ASRGL1: variants seen among roughly 807,000 people sequenced by gnomAD.
ASRGL1 encodes asparaginase and isoaspartyl peptidase 1, also known as isoaspartyl peptidase/L-asparaginase.
Under a neutral mutation model 22.4 loss-of-function variants are expected in ASRGL1, and 16 were observed. The ratio of observed to expected loss-of-function variants is 0.71; its 90% CI spans 0.48 to 1.08. The LOEUF is 1.08. ASRGL1 is among the 50% of genes least tolerant of loss of function. The pLI, the probability that ASRGL1 is intolerant of heterozygous loss-of-function variation, is 0.00. For synonymous variants in ASRGL1, 165 were observed against 159.3 expected, an observed-to-expected ratio of 1.04 and a Z score of -0.27; for missense variants, 412 against 410.1, an observed-to-expected ratio of 1.00 and a Z score of -0.04.
rs1945773904 is a variant in ASRGL1 at position 62,338,171 on chromosome 11, A to T, written c.190+4A>T. 6.4e-7 allele frequency: 1 copy of T among 1,552,294 alleles called. No homozygotes were observed. The highest frequency in any genetic ancestry group is 2.0e-5 in the Admixed American group (1 of 50,450). On this transcript the variant is annotated splice_donor_region_variant and intron_variant, in intron 2 of 6. Transcript: ENST00000415229. ...GACGATCCCGAGTTCAACGCAGGTA[A>T]ATGTGCCTTTCAGCTAGTAAATAAT...
intron 4 of ASRGL1, among the ~76,000 whole-genome samples, chr11:62,362,953 G>C (rs966503078): frequency 1.1e-5 from 1 of 94,470 alleles, no homozygotes; most frequent in African/African-American, 4.6e-5. Context: ...GAGTCTTGCT[G>C]TGTCACCCAG....
downstream of ASRGL1, among the ~76,000 whole-genome samples, chr11:62,396,135 G>T (rs1392615155): frequency 6.6e-6 from 1 of 151,990 alleles, no homozygotes; most frequent in Non-Finnish European, 1.5e-5. Flanking sequence ...AAAAATGCAG[G>T]TGTCCTCTCC....
chr11:62,362,654 TTA>T (rs1215429248), intron 4 of ASRGL1, among the ~76,000 whole-genome samples: 1 of 90,886 alleles, frequency 1.1e-5, no homozygotes, highest in Non-Finnish European at 2.0e-5. Context: ...ATAATATATA[TTA>T]TATAAAATAT....
chr11:62,381,101 C>T (rs1947055750), intron 4 of ASRGL1, among the ~76,000 whole-genome samples: 1 of 152,122 alleles, frequency 6.6e-6, no homozygotes, highest in South Asian at 2.1e-4. Context: ...TTATTTTCTA[C>T]CGGCTGATAT....
chr11:62,400,517 G>A, the ASRGL1 span, among the ~76,000 whole-genome samples: 16 of 152,118 alleles, frequency 1.1e-4, no homozygotes, highest in East Asian at 3.9e-4. Context: ...GCAGGGGCGC[G>A]GCTATTTCTG....
chr11:62,390,011 G>T (rs1241419723), intron 5 of ASRGL1, among the ~76,000 whole-genome samples: 1 of 152,126 alleles, frequency 6.6e-6, no homozygotes, highest in African/African-American at 2.4e-5. Flanking sequence ...TTTCTGTCAT[G>T]AACTCAGAGA....
At chr11:62,372,351 C>A in intron 4 of ASRGL1, 1 of 1,571,970 alleles carries the variant, frequency 6.4e-7, no homozygotes, top group Non-Finnish European at 8.7e-7. Context: ...CAGCCCTGTG[C>A]AGATAATGTA....
chr11:62,398,657 C>G, the ASRGL1 span, among the ~76,000 whole-genome samples: 16 of 152,354 alleles, frequency 1.1e-4, no homozygotes, highest in African/African-American at 3.8e-4. Context: ...CCCGCCCCTC[C>G]CCTGGGCCCA....
At chr11:62,354,059 T>G (rs781249568) in intron 2 of ASRGL1, among the ~76,000 whole-genome samples, 2 of 152,248 alleles carry the variant, frequency 1.3e-5, no homozygotes, top group Non-Finnish European at 2.9e-5. Flanking sequence ...ACTTACTGTT[T>G]GCCTACACAT....
chr11:62,373,510 C>A (rs1440683504), intron 4 of ASRGL1, among the ~76,000 whole-genome samples: 1 of 152,124 alleles, frequency 6.6e-6, no homozygotes, highest in East Asian at 1.9e-4. Context: ...CAAAACACTC[C>A]TTTCCAGTTA....
At chr11:62,362,709 ATATAT>A (rs58703422) in intron 4 of ASRGL1, among the ~76,000 whole-genome samples, 10,521 of 71,552 alleles carry the variant, frequency 0.15, 1,770 homozygotes, top group African/African-American at 0.22. Flanking sequence ...ATTATATAAA[ATATAT>A]TATATGTTAT....
At chr11:62,386,439 T>G (rs866021347) in intron 4 of ASRGL1, among the ~76,000 whole-genome samples, 1 of 75,792 alleles carries the variant, frequency 1.3e-5, no homozygotes, top group African/African-American at 3.1e-5. Context: ...CAATTAAACT[T>G]TATCATAGAT....
Position 62,357,044 on chromosome 11 carries a change from G to C in ASRGL1, c.391G>C (p.Val131Leu). 1 of 1,614,100 alleles carries C rather than the reference G, an allele frequency of 6.2e-7. No homozygotes were observed. The highest frequency in any genetic ancestry group is 8.5e-7 in the Non-Finnish European group (1 of 1,180,018). ...GAAQFAAAMG[V>L]PEIPGEKLVT... ...AGCGCAGTTTGCAGCAGCTATGGGG[G>C]TTCCAGAGATTCCTGGAGAAAAACT... Residue 131 changes from valine to leucine, a missense_variant, in exon 4 of 7, where the codon GTT (valine) becomes CTT (leucine). Transcript: ENST00000415229.
Position 62,343,443 on chromosome 11 carries a change from C to T in ASRGL1, c.190+5276C>T, listed in dbSNP as rs1195804969. On this transcript the variant is annotated intron_variant, in intron 2 of 6. Coordinates refer to ENST00000415229, the MANE Select transcript of ASRGL1 (RefSeq NM_001083926.2). ...TCCCACTAGCAATGTATGAAAGTTCCACTTACAGGCTGGGCGCAGCTCATG... is the reference window on the plus strand; with the variant it reads ...TCCCACTAGCAATGTATGAAAGTTCTACTTACAGGCTGGGCGCAGCTCATG... 2.0e-5 allele frequency among the ~76,000 whole-genome samples: 3 copies of T among 150,434 alleles called. No homozygotes were observed. In the East Asian group the frequency reaches 5.9e-4, roughly 29 times the overall value.
intron 4 of ASRGL1, chr11:62,371,816 T>C (rs1171635279): frequency 6.0e-6 from 3 of 496,444 alleles, no homozygotes; most frequent in Non-Finnish European, 7.3e-6. Context: ...TAGCCGGGCG[T>C]GGTGGCGGGC....
chr11:62,384,000 CTG>C (rs1947139605), intron 4 of ASRGL1, among the ~76,000 whole-genome samples: 1 of 143,480 alleles, frequency 7.0e-6, no homozygotes, highest in East Asian at 2.1e-4. Context: ...TTAAATGCAT[CTG>C]TGTGTGTGCA....
downstream of ASRGL1, among the ~76,000 whole-genome samples, chr11:62,395,234 C>T (rs978316972): frequency 5.3e-5 from 8 of 152,210 alleles, no homozygotes; most frequent in African/African-American, 1.2e-4. Context: ...CTGCCCTGGG[C>T]GCTGCCAGAT....
chr11:62,356,476 G>A lies in ASRGL1; in HGVS notation c.333+9G>A. 3 of 1,613,642 alleles carry A rather than the reference G, an allele frequency of 1.9e-6. No individual in the cohort carries two copies. Reference sequence around the variant, plus strand: ...GGCTTGTCATGGAAAAGGTATATGTGACTAAAGCAGCCTTTTCCTAATGAA... The same window carrying A: ...GGCTTGTCATGGAAAAGGTATATGTAACTAAAGCAGCCTTTTCCTAATGAA... On this transcript the variant is annotated intron_variant, in intron 3 of 6. Transcript: ENST00000415229.
At chr11:62,357,734 A>G (rs550300409) in intron 4 of ASRGL1, among the ~76,000 whole-genome samples, 1 of 152,318 alleles carries the variant, frequency 6.6e-6, no homozygotes, top group Non-Finnish European at 1.5e-5. Context: ...AGAAATTCAA[A>G]TTAGTCATTT....
Sources: gnomAD v4.1 joint callset for allele counts (sites outside exome capture counted in the v4.1 genomes callset) on GRCh38, gnomAD v4.1.1 for gene constraint, MANE v1.5 for transcripts, NCBI Gene and HGNC (gene_info 2026-07-23, HGNC 2026-07-21) for gene names.